Variants in POLA1 observed in about 807,000 individuals in gnomAD.
POLA1 encodes the protein DNA polymerase alpha 1, catalytic subunit.
Under a neutral mutation model 124.0 loss-of-function variants are expected in POLA1, and 15 were observed. The ratio of observed to expected loss-of-function variants is 0.12; its 90% CI spans 0.08 to 0.19. The LOEUF is 0.19. Among genes scored for constraint, POLA1 ranks in the 10% least tolerant of loss-of-function variants. The probability of loss-of-function intolerance (pLI) is 1.00; values close to 1 mark genes in which losing one functional copy is unlikely to be tolerated. For missense variants in POLA1, 886 were observed against 1,103.4 expected, an observed-to-expected ratio of 0.80 and a Z score of 2.79; for synonymous variants, 408 against 389.4, an observed-to-expected ratio of 1.05 and a Z score of -0.56.
chrX:24,702,888 G>A (rs774428595), intron 2 of POLA1, among the ~76,000 whole-genome samples: 6 of 112,179 alleles, frequency 5.3e-5, no homozygotes, highest in Non-Finnish European at 1.1e-4. Flanking sequence ...TTTGCTAAGT[G>A]TAGGAGAAAC....
chrX:24,894,989 G>T (rs2047189760), intron 35 of POLA1, among the ~76,000 whole-genome samples: 1 of 110,137 alleles, frequency 9.1e-6, no homozygotes, highest in Non-Finnish European at 1.9e-5. Flanking sequence ...GCCCAGGCAG[G>T]TCTTGAAATC....
At chrX:24,755,092 A>G (rs1932530688) in intron 26 of POLA1, among the ~76,000 whole-genome samples, 2 of 112,431 alleles carry the variant, frequency 1.8e-5, no homozygotes, top group Admixed American at 1.9e-4. Context: ...ACAGCAGTAT[A>G]TGAGGCTTTA....
At chrX:24,829,685 A>G (rs1342704159) in intron 32 of POLA1, among the ~76,000 whole-genome samples, 6 of 112,003 alleles carry the variant, frequency 5.4e-5, no homozygotes, top group African/African-American at 1.9e-4. Flanking sequence ...TAGGGTGGCT[A>G]TTCAGTAGGG....
intron 36 of POLA1, among the ~76,000 whole-genome samples, chrX:24,984,629 A>AAGAATGCTG (rs1447610802): frequency 9.2e-6 from 1 of 109,118 alleles, no homozygotes; most frequent in Non-Finnish European, 1.9e-5. Flanking sequence ...AATTTTATAT[A>AAGAATGCTG]AGAATGCTGA....
chrX:24,824,735 T>C (rs185034003), intron 31 of POLA1, among the ~76,000 whole-genome samples: 6 of 111,256 alleles, frequency 5.4e-5, no homozygotes, highest in African/African-American at 2.0e-4. Flanking sequence ...CTAAGAAATA[T>C]GTTTGTGTCA....
intron 35 of POLA1, among the ~76,000 whole-genome samples, chrX:24,906,670 T>C (rs905053165): frequency 2.7e-5 from 3 of 110,815 alleles, no homozygotes; most frequent in African/African-American, 9.9e-5. Flanking sequence ...CCAAAAACTA[T>C]TGAAATAATT....
intron 32 of POLA1, among the ~76,000 whole-genome samples, chrX:24,829,810 A>G (rs1455598185): frequency 8.9e-6 from 1 of 112,040 alleles, no homozygotes; most frequent in Non-Finnish European, 1.9e-5. Flanking sequence ...GGTTTCTAAG[A>G]GGTGCAAGCT....
intron 36 of POLA1, among the ~76,000 whole-genome samples, chrX:24,984,823 C>G (rs941228585): frequency 1.8e-5 from 2 of 109,793 alleles, no homozygotes; most frequent in East Asian, 5.7e-4. Flanking sequence ...CTACGCCCGG[C>G]TAATGTTTTT....
intron 33 of POLA1, 47 bp from the exon 34 acceptor site, chrX:24,843,499 T>C (rs1169776821): frequency 3.8e-6 from 4 of 1,053,156 alleles, no homozygotes; most frequent in Non-Finnish European, 2.5e-6. Flanking sequence ...AAAAACCCTT[T>C]TATAGCCTCA....
At chrX:24,711,090 C>T (rs1459278151) in intron 4 of POLA1, among the ~76,000 whole-genome samples, 1 of 111,886 alleles carries the variant, frequency 8.9e-6, no homozygotes, top group Non-Finnish European at 1.9e-5. Flanking sequence ...TCAAGCTATC[C>T]TCCCACCTCA....
intron 26 of POLA1, among the ~76,000 whole-genome samples, chrX:24,769,919 T>C (rs2044992804): frequency 8.9e-6 from 1 of 111,753 alleles, no homozygotes; most frequent in African/African-American, 3.3e-5. Flanking sequence ...GAGGAAAAAG[T>C]CTTGAAGGGA....
intron 35 of POLA1, among the ~76,000 whole-genome samples, chrX:24,899,725 C>A (rs1181845591): frequency 1.8e-5 from 2 of 111,475 alleles, no homozygotes; most frequent in Non-Finnish European, 3.8e-5. Context: ...ATAATACACT[C>A]GTTATTTCTG....
chrX:24,896,449 G>C (rs2047206811), intron 35 of POLA1, among the ~76,000 whole-genome samples: 1 of 110,370 alleles, frequency 9.1e-6, no homozygotes, highest in African/African-American at 3.4e-5. Flanking sequence ...TTTTGTTTTG[G>C]TTTTTGGTTT....
At chrX:24,993,798 C>T (rs2048564581) in intron 36 of POLA1, among the ~76,000 whole-genome samples, 1 of 111,854 alleles carries the variant, frequency 8.9e-6, no homozygotes, top group Non-Finnish European at 1.9e-5. Flanking sequence ...GCATCTCTAA[C>T]TGGCGTGGAA....
At chrX:24,718,755 G>A (rs1193564606) in intron 10 of POLA1, among the ~76,000 whole-genome samples, 1 of 111,992 alleles carries the variant, frequency 8.9e-6, no homozygotes, top group Non-Finnish European at 1.9e-5. Flanking sequence ...TAATGGGGAA[G>A]TGTGGAAGCC....
intron 36 of POLA1, among the ~76,000 whole-genome samples, chrX:24,960,761 G>T (rs1248587532): frequency 9.0e-6 from 1 of 111,541 alleles, no homozygotes; most frequent in Non-Finnish European, 1.9e-5. Flanking sequence ...TATGTGTCTA[G>T]GATGGCTGAC....
chrX:24,966,341 G>A (rs1298464083), intron 36 of POLA1, among the ~76,000 whole-genome samples: 1 of 111,135 alleles, frequency 9.0e-6, no homozygotes, highest in African/African-American at 3.3e-5. Flanking sequence ...TTTTCTAGAG[G>A]GGGAACAGGA....
intron 26 of POLA1, among the ~76,000 whole-genome samples, chrX:24,749,536 G>A (rs1032664861): frequency 9.1e-6 from 1 of 110,122 alleles, no homozygotes; most frequent in Admixed American, 9.7e-5. Flanking sequence ...ACTTAAGAGA[G>A]TTTTTTTTTG....
At chrX:24,731,746 T>C (rs1343907808) in intron 15 of POLA1, among the ~76,000 whole-genome samples, 1 of 110,803 alleles carries the variant, frequency 9.0e-6, no homozygotes, top group African/African-American at 3.3e-5. Context: ...AGCTCCATGA[T>C]TGAGAAACCC....
Sources: gnomAD v4.1 joint callset for allele counts (sites outside exome capture counted in the v4.1 genomes callset) on GRCh38, gnomAD v4.1.1 for gene constraint, MANE v1.5 for transcripts, NCBI Gene and HGNC (gene_info 2026-07-23, HGNC 2026-07-21) for gene names.